Variants in PDPR observed in about 807,000 individuals in gnomAD.
The protein encoded by PDPR is pyruvate dehydrogenase phosphatase regulatory subunit, mitochondrial.
PDPR carries 50 observed loss-of-function variants against 102.2 expected under a neutral mutation model. That is an observed-to-expected ratio of 0.49 (90% CI 0.39 to 0.62). The LOEUF (loss-of-function observed/expected upper bound fraction) is 0.62, where lower values mean the gene tolerates loss of function less well. Ranked by LOEUF, PDPR falls within the 20% of genes least tolerant of loss-of-function variation. The pLI is 0.00. For synonymous variants in PDPR, 259 were observed against 406.0 expected (o/e 0.64, Z 4.35); for missense variants, 625 against 1,098.2 (o/e 0.57, Z 6.09).
chr16:70,134,335 C>T (rs575733445), intron 9 of PDPR, among the ~76,000 whole-genome samples: 1 of 152,078 alleles, frequency 6.6e-6, no homozygotes, highest in Non-Finnish European at 1.5e-5. Flanking sequence ...AAGCAATTCT[C>T]CTGCCTCAGC....
chr16:70,154,318 A>T (rs1386554488), intron 18 of PDPR, among the ~76,000 whole-genome samples: 6 of 152,176 alleles, frequency 3.9e-5, no homozygotes, highest in Non-Finnish European at 7.3e-5. Flanking sequence ...ACAGGGCAAG[A>T]CTCCGTCTCA....
Position 70,157,106 on chromosome 16 carries a change from T to C in PDPR, c.*227T>C. The stretch of plus-strand genomic sequence containing the variant: ...ATATTCACTCTGGGCTCTTCTTCCC[T>C]TCCCACCCCTCACTCAGCTTCTCGT... On this transcript the variant is annotated 3_prime_UTR_variant, in exon 19 of 19. Transcript: ENST00000288050. 1.4e-6 allele frequency: 1 copy of C among 718,408 alleles called. No homozygotes were observed. Among genetic ancestry groups the C allele is most frequent in the Non-Finnish European group, 2.5e-6 (1 of 406,532 alleles). 44.5% of individuals were successfully genotyped at this position (718,408 alleles called of 1,614,324 possible). A position where few individuals can be genotyped will look rare whatever the true frequency, so the allele number is the denominator to read the frequency against.
Position 70,158,754 on chromosome 16 carries a change from G to A in PDPR, c.*1875G>A, listed in dbSNP as rs1967489375. The stretch of plus-strand genomic sequence containing the variant: ...CAGCTGTGAAGGCCTTGGGAGAGGA[G>A]GAACAGGCCCTTGGGCAGATGCAGG... On this transcript the variant is annotated 3_prime_UTR_variant, in exon 19 of 19. Transcript: ENST00000288050. 1 of 153,070 alleles carries A rather than the reference G, an allele frequency of 6.5e-6. No individual in the cohort carries two copies. Among genetic ancestry groups the A allele is most frequent in the Non-Finnish European group, 1.5e-5 (1 of 68,628 alleles). 9.5% of individuals were successfully genotyped at this position (153,070 alleles called of 1,614,324 possible).
intron 17 of PDPR, among the ~76,000 whole-genome samples, chr16:70,148,934 G>A (rs1385151060): frequency 7.6e-5 from 11 of 143,906 alleles, no homozygotes; most frequent in Non-Finnish European, 1.4e-4. Flanking sequence ...TCACTCTTTT[G>A]CCCAGGGTGG....
intron 8 of PDPR, 61 bp from the exon 9 acceptor site, chr16:70,132,090 C>T: frequency 6.4e-7 from 1 of 1,572,074 alleles, no homozygotes; most frequent in Non-Finnish European, 8.7e-7. Context: ...AGAAAGCTGA[C>T]TTGCCTCTAA....
intron 11 of PDPR, among the ~76,000 whole-genome samples, chr16:70,141,893 A>G (rs1265294123): frequency 1.3e-5 from 2 of 152,282 alleles, no homozygotes; most frequent in East Asian, 3.8e-4. Flanking sequence ...TGAGGTCAGG[A>G]GTTTGAGACC....
At position 70,159,617 on chromosome 16, in the gene PDPR, T is replaced by G. The variant is rs1158338235; in HGVS notation, c.*2738T>G. On this transcript the variant is annotated 3_prime_UTR_variant, in exon 19 of 19. Transcript: ENST00000288050. Reference sequence around the variant, plus strand: ...ACAGACAGATCTGACAGTGAATGACTCTCCCCTGCTTCTGGCATAACTGCT... The same window carrying G: ...ACAGACAGATCTGACAGTGAATGACGCTCCCCTGCTTCTGGCATAACTGCT... 1.3e-5 allele frequency: 2 copies of G among 152,886 alleles called. No homozygotes were observed. The highest frequency in any genetic ancestry group is 1.9e-4 in the East Asian group (1 of 5,214). 9.5% of individuals were successfully genotyped at this position (152,886 alleles called of 1,614,324 possible). A position where few individuals can be genotyped will look rare whatever the true frequency, so the allele number is the denominator to read the frequency against.
rs1465369988 is a variant in PDPR, at chr16:70,160,560, C to G, written c.*3681C>G. ...ATTAAACCCCGGTTTCACTCTGGCC[C>G]CAGGAGTGGAGCCTGGCCACTCCTG... is the stretch of plus-strand genomic sequence containing the variant. On this transcript the variant is annotated 3_prime_UTR_variant, in exon 19 of 19. Coordinates refer to ENST00000288050, the MANE Select transcript of PDPR (RefSeq NM_017990.5). 2.0e-5 allele frequency: 3 copies of G among 152,566 alleles called. No individual in the cohort carries two copies. Among genetic ancestry groups the G allele is most frequent in the African/African-American group, 4.8e-5 (2 of 41,484 alleles). The allele number at this position is 152,566 out of a possible 1,614,324, so 9.5% of individuals were successfully genotyped here.
Position 70,159,191 on chromosome 16 carries a change from C to CA in PDPR, c.*2313dup, listed in dbSNP as rs1967531217. 6.6e-6 allele frequency: 1 copy of CA among 152,346 alleles called. No homozygotes were observed. Among genetic ancestry groups the CA allele is most frequent in the East Asian group, 1.9e-4 (1 of 5,206 alleles). 9.4% of individuals were successfully genotyped at this position (152,346 alleles called of 1,614,324 possible). On this transcript the variant is annotated 3_prime_UTR_variant, in exon 19 of 19. Coordinates refer to ENST00000288050, the MANE Select transcript of PDPR (RefSeq NM_017990.5). The stretch of plus-strand genomic sequence containing the variant: ...TCTCCAACTAATTACTACAGATTGA[C>CA]ACGTTTTTAATTAGCTGTCCTTTGT...
chr16:70,129,467 C>T (rs780574968), intron 6 of PDPR, among the ~76,000 whole-genome samples: 1 of 152,276 alleles, frequency 6.6e-6, no homozygotes, highest in Non-Finnish European at 1.5e-5. Context: ...GCTTCAGCCT[C>T]CCGAGTAGGT....
At chr16:70,137,805 C>G (rs1487851171) in intron 10 of PDPR, among the ~76,000 whole-genome samples, 14 of 152,346 alleles carry the variant, frequency 9.2e-5, no homozygotes, top group South Asian at 8.3e-4. Flanking sequence ...CTTTAGGTGA[C>G]AGAAAAAAAC....
At chr16:70,119,163 G>T (rs565551031) in intron 2 of PDPR, among the ~76,000 whole-genome samples, 1 of 151,996 alleles carries the variant, frequency 6.6e-6, no homozygotes, top group Non-Finnish European at 1.5e-5. Flanking sequence ...GATTAAGTTT[G>T]TTAAAACCCT....
chr16:70,153,305 T>TA, intron 17 of PDPR, 86 bp from the exon 18 acceptor site: 1 of 1,361,692 alleles, frequency 7.3e-7, no homozygotes, highest in Non-Finnish European at 1.0e-6. Flanking sequence ...TCCATGTTAA[T>TA]AGTGTGAGCC....
At chr16:70,143,681 T>C (rs774679212) in intron 14 of PDPR, 23 bp downstream of exon 14, 7 of 1,611,870 alleles carry the variant, frequency 4.3e-6, no homozygotes, top group Non-Finnish European at 5.9e-6. Context: ...GCCGTCCCGC[T>C]CTGCTCCCTC....
At position 70,162,074 on chromosome 16, in the gene PDPR, A is replaced by T. The variant is rs1967842140; in HGVS notation, c.*5195A>T. 1 of 152,558 alleles carries T rather than the reference A, an allele frequency of 6.6e-6. No homozygotes were observed. Among genetic ancestry groups the T allele is most frequent in the Admixed American group, 6.5e-5 (1 of 15,308 alleles). The allele number at this position is 152,558 out of a possible 1,614,324, so 9.5% of individuals were successfully genotyped here. A position where few individuals can be genotyped will look rare whatever the true frequency, so the allele number is the denominator to read the frequency against. On this transcript the variant is annotated 3_prime_UTR_variant, in exon 19 of 19. Transcript: ENST00000288050. The stretch of plus-strand genomic sequence containing the variant: ...ATGGTGGGTGCAGATTGGAAGAAAG[A>T]GAAAAGTTCATCTCGGTGTGTGGGT...
At chr16:70,113,640 A>G (rs1271158697), upstream of PDPR, 1 of 135,190 alleles carries the variant, frequency 7.4e-6, no homozygotes, top group Admixed American at 7.6e-5. Context: ...GATGAGTTCT[A>G]GAAGGAAAGA....
chr16:70,156,389 C>T, intron 18 of PDPR, 86 bp from the exon 19 acceptor site: 2 of 1,507,088 alleles, frequency 1.3e-6, no homozygotes, highest in Non-Finnish European at 1.8e-6. Flanking sequence ...ATTGCAGTGA[C>T]ACCAGGGGAC....
At chr16:70,132,334 T>C (rs373426861) in intron 9 of PDPR, 34 bp downstream of exon 9, 41 of 1,579,074 alleles carry the variant, frequency 2.6e-5, no homozygotes, top group Middle Eastern at 3.3e-4. Context: ...TAGTGCCTTA[T>C]ATTTGTTTAA....
At chr16:70,144,784 G>A (rs1966080074) in intron 15 of PDPR, among the ~76,000 whole-genome samples, 2 of 152,162 alleles carry the variant, frequency 1.3e-5, no homozygotes, top group Admixed American at 6.6e-5. Context: ...GTGAAACCCC[G>A]TCTCTACTAG....
Sources: gnomAD v4.1 joint callset for allele counts (sites outside exome capture counted in the v4.1 genomes callset) on GRCh38, gnomAD v4.1.1 for gene constraint, MANE v1.5 for transcripts, NCBI Gene and HGNC (gene_info 2026-07-23, HGNC 2026-07-21) for gene names.